AREL1: variants seen among roughly 807,000 people sequenced by gnomAD.
The protein encoded by AREL1 is apoptosis-resistant E3 ubiquitin protein ligase 1.
In AREL1, 62 loss-of-function variants were observed where a neutral mutation model predicts 99.0. That is an observed-to-expected ratio of 0.63 (90% CI 0.51 to 0.77). The LOEUF (loss-of-function observed/expected upper bound fraction) is 0.77. Among genes scored for constraint, AREL1 ranks in the 30% least tolerant of loss-of-function variants. The pLI, the probability that AREL1 is intolerant of heterozygous loss-of-function variation, is 0.00. For missense variants in AREL1, 879 were observed against 1,027.6 expected, an observed-to-expected ratio of 0.86 and a Z score of 1.98; for synonymous variants, 380 against 376.5, an observed-to-expected ratio of 1.01 and a Z score of -0.11.
chr14:74,697,581 G>GA (rs2090001534), intron 1 of AREL1, among the ~76,000 whole-genome samples: 3 of 152,144 alleles, frequency 2.0e-5, no homozygotes, highest in Non-Finnish European at 4.4e-5. Flanking sequence ...TATTTATACA[G>GA]TTGTCTATTT....
intron 1 of AREL1, 73 bp downstream of exon 1, chr14:74,712,860 C>A (rs908146061): frequency 2.7e-5 from 13 of 487,496 alleles, no homozygotes; most frequent in Non-Finnish European, 5.0e-5. Flanking sequence ...CTACCCTTTT[C>A]CTCCCTCTCT....
At chr14:74,691,606 T>C (rs2089882358) in intron 2 of AREL1, among the ~76,000 whole-genome samples, 1 of 152,182 alleles carries the variant, frequency 6.6e-6, no homozygotes. Context: ...TGGAATGCAA[T>C]GCCAATTCTC....
At chr14:74,681,249 G>A (rs2089620551) in intron 5 of AREL1, among the ~76,000 whole-genome samples, 1 of 151,934 alleles carries the variant, frequency 6.6e-6, no homozygotes. Context: ...CACACATCTG[G>A]TCCCAAGCAT....
intron 1 of AREL1, among the ~76,000 whole-genome samples, chr14:74,705,127 C>T (rs773243525): frequency 6.6e-6 from 1 of 152,036 alleles, no homozygotes; most frequent in Non-Finnish European, 1.5e-5. Flanking sequence ...GCAACCTCCA[C>T]CTTCCAGGTT....
At chr14:74,679,347 G>A (rs771502885) in intron 5 of AREL1, among the ~76,000 whole-genome samples, 40 of 152,180 alleles carry the variant, frequency 2.6e-4, no homozygotes, top group Middle Eastern at 3.4e-3. Flanking sequence ...CCTAAGCCGG[G>A]AGAGGTCAAG....
chr14:74,705,137 T>C (rs1305936973), intron 1 of AREL1, among the ~76,000 whole-genome samples: 1 of 152,084 alleles, frequency 6.6e-6, no homozygotes, highest in East Asian at 1.9e-4. Context: ...CCTTCCAGGT[T>C]CAAGCGATTC....
intron 1 of AREL1, among the ~76,000 whole-genome samples, chr14:74,702,365 C>G (rs113125830): frequency 6.6e-6 from 1 of 152,248 alleles, no homozygotes; most frequent in African/African-American, 2.4e-5. Flanking sequence ...TGTGCACCCA[C>G]AGGCTCAACA....
intron 15 of AREL1, among the ~76,000 whole-genome samples, chr14:74,668,254 A>G (rs560561234): frequency 6.6e-6 from 1 of 152,310 alleles, no homozygotes; most frequent in South Asian, 2.1e-4. Flanking sequence ...ATAAACTCCT[A>G]AGGGAACTTT....
rs138712666 is a variant in AREL1, at chr14:74,674,458, T to C, written c.1081-347A>G. 1.3e-3 allele frequency among the ~76,000 whole-genome samples: 201 copies of C among 152,160 alleles called. 3 individuals carry two copies. In the East Asian group the frequency reaches 0.034, roughly 26 times the overall value. ...CTACTAAAAATACAAAAAAATTAGC[T>C]GGGTGCGGTAGCTCATGCCTGTAAT... On this transcript the variant is annotated intron_variant, in intron 8 of 19. Coordinates refer to ENST00000356357, the MANE Select transcript of AREL1 (RefSeq NM_001039479.2).
Position 74,663,594 on chromosome 14 carries a change from C to T in AREL1, c.*126G>A. On this transcript the variant is annotated 3_prime_UTR_variant, in exon 20 of 20. Transcript: ENST00000356357. ...CTTGTAGGTGACAAAATCCTCCAGA[C>T]ACAGGGGAGCATGCGGCATCTTCTG... 1 of 998,214 alleles carries T rather than the reference C, an allele frequency of 1.0e-6. No individual in the cohort carries two copies. The highest frequency in any genetic ancestry group is 1.6e-6 in the Non-Finnish European group (1 of 635,252). The allele number at this position is 998,214 out of a possible 1,614,324, so 61.8% of individuals were successfully genotyped here.
rs1030966902 is a variant in AREL1 at position 74,685,708 on chromosome 14, A to T, written c.-45-48T>A. ...GTTTTTGTCTCCAACTCTGCCTCATAGCTATCTCAGAGTAAGACAAAGAAG... is the reference window on the plus strand; with the variant it reads ...GTTTTTGTCTCCAACTCTGCCTCATTGCTATCTCAGAGTAAGACAAAGAAG... On this transcript the variant is annotated intron_variant, in intron 2 of 19. Transcript: ENST00000356357. 11 of 1,527,108 alleles carry T rather than the reference A, an allele frequency of 7.2e-6. No homozygotes were observed. The African/African-American group carries it at 1.1e-4, about 15-fold the overall frequency. 94.6% of individuals were successfully genotyped at this position (1,527,108 alleles called of 1,614,324 possible).
At chr14:74,667,935 C>A (rs1455088876) in intron 15 of AREL1, among the ~76,000 whole-genome samples, 2 of 152,226 alleles carry the variant, frequency 1.3e-5, no homozygotes, top group East Asian at 3.8e-4. Flanking sequence ...CACTATTGAC[C>A]TCTTCTCTAA....
At position 74,713,072 on chromosome 14, in the gene AREL1, CG is replaced by C. The variant is rs747758193; in HGVS notation, c.-474del. On this transcript the variant is annotated 5_prime_UTR_variant, in exon 1 of 20. Coordinates refer to ENST00000356357, the MANE Select transcript of AREL1 (RefSeq NM_001039479.2). ...TCTCCACCCGGCCTGGGAACCGGCT[CG>C]GGGGATTGCCCTTTCCCCAAGGAGT... is the stretch of plus-strand genomic sequence containing the variant. The C allele has an allele frequency of 3.0e-5, 48 of 1,575,666 alleles. No homozygotes were observed. In the African/African-American group the frequency reaches 3.9e-4, roughly 13 times the overall value.
chr14:74,700,659 A>G (rs921169110), intron 1 of AREL1, among the ~76,000 whole-genome samples: 9 of 152,208 alleles, frequency 5.9e-5, no homozygotes, highest in African/African-American at 2.2e-4. Flanking sequence ...ACACGCCTGT[A>G]TTCCCAGCTA....
intron 1 of AREL1, among the ~76,000 whole-genome samples, chr14:74,700,525 T>C (rs2090065244): frequency 6.6e-6 from 1 of 152,226 alleles, no homozygotes; most frequent in South Asian, 2.1e-4. Flanking sequence ...ACACCTGTAA[T>C]TCCAGCATTT....
intron 17 of AREL1, among the ~76,000 whole-genome samples, chr14:74,666,489 A>C (rs1258828040): frequency 6.6e-6 from 1 of 152,188 alleles, no homozygotes; most frequent in Non-Finnish European, 1.5e-5. Flanking sequence ...TATACTATAT[A>C]CTGTTTTGGT....
chr14:74,670,855 C>G lies in AREL1; in HGVS notation c.1515G>C (p.Gly505=). ...TTAGCTCAAACCATTCCCGGCGAGG[C>G]CCTCCCCAGTCCAGAGCTGAAAAGC... is the stretch of plus-strand genomic sequence containing the variant. The part of the protein sequence containing the change: ...FQDEEALDWG[G]PRREWFELIC... The change falls in exon 13 of 20, where the codon GGG becomes GGC. Residue 505 remains glycine, a synonymous_variant. Transcript: ENST00000356357. 1 of 1,614,074 alleles carries G rather than the reference C, an allele frequency of 6.2e-7. No homozygotes were observed. Among genetic ancestry groups the G allele is most frequent in the Non-Finnish European group, 8.5e-7 (1 of 1,179,960 alleles).
chr14:74,662,732 A>C lies in AREL1; in HGVS notation c.*988T>G, dbSNP rs1339177832. The C allele has an allele frequency of 7.5e-6, 3 of 397,618 alleles. No homozygotes were observed. The highest frequency in any genetic ancestry group is 8.9e-6 in the Non-Finnish European group (2 of 225,636). 24.6% of individuals were successfully genotyped at this position (397,618 alleles called of 1,614,324 possible). On this transcript the variant is annotated 3_prime_UTR_variant, in exon 20 of 20. Transcript: ENST00000356357. Reference sequence around the variant, plus strand: ...CCTGTTCCTTTGTCTTAGTGCTGCCAGAGAACACCAAGCAGAGAGAGAATC... The same window carrying C: ...CCTGTTCCTTTGTCTTAGTGCTGCCCGAGAACACCAAGCAGAGAGAGAATC...
intron 2 of AREL1, chr14:74,690,952 T>C (rs1159073113): frequency 1.3e-5 from 2 of 152,120 alleles, no homozygotes; most frequent in Non-Finnish European, 2.9e-5. Context: ...TGGATTTTTT[T>C]TTTTTAAGCT....
Sources: gnomAD v4.1 joint callset for allele counts (sites outside exome capture counted in the v4.1 genomes callset) on GRCh38, gnomAD v4.1.1 for gene constraint, MANE v1.5 for transcripts, NCBI Gene and HGNC (gene_info 2026-07-23, HGNC 2026-07-21) for gene names.